MAPKAPK2: variants seen among roughly 807,000 people sequenced by gnomAD.
The protein encoded by MAPKAPK2 is MAP kinase-activated protein kinase 2.
In MAPKAPK2, 9 loss-of-function variants were observed where a neutral mutation model predicts 48.8. That is an observed-to-expected ratio of 0.18 (90% CI 0.11 to 0.32). The LOEUF (loss-of-function observed/expected upper bound fraction) is 0.32. Ranked by LOEUF, MAPKAPK2 falls within the 10% of genes least tolerant of loss-of-function variation. The probability of loss-of-function intolerance (pLI) is 1.00; values close to 1 mark genes in which losing one functional copy is unlikely to be tolerated. For synonymous variants in MAPKAPK2, 202 were observed against 190.6 expected, an observed-to-expected ratio of 1.06 and a Z score of -0.49; for missense variants, 331 against 498.3, an observed-to-expected ratio of 0.66 and a Z score of 3.20.
intron 1 of MAPKAPK2, among the ~76,000 whole-genome samples, chr1:206,699,839 G>A (rs1553427620): frequency 6.6e-6 from 1 of 152,130 alleles, no homozygotes; most frequent in African/African-American, 2.4e-5. Context: ...AGTGCAGATG[G>A]GAAAGTGAAG....
chr1:206,729,945 G>A, intron 4 of MAPKAPK2, 27 bp from the exon 5 acceptor site: 1 of 1,614,056 alleles, frequency 6.2e-7, no homozygotes, highest in African/African-American at 1.3e-5. Context: ...CAGCAGGGTT[G>A]CTATTTTTCT....
intron 1 of MAPKAPK2, among the ~76,000 whole-genome samples, chr1:206,695,226 T>G (rs1485411517): frequency 1.3e-5 from 2 of 151,564 alleles, no homozygotes; most frequent in African/African-American, 4.9e-5. Flanking sequence ...GAATAGAGAG[T>G]AGTAGGGGGT....
chr1:206,729,956 GTC>G lies in MAPKAPK2; in HGVS notation c.565-10_565-9del, dbSNP rs1553432385. ...GGTCCAGCAGGGTTGCTATTTTTCT[GTC>G]TCTCTTTCTGTAGCCTGAGAATCTC... On this transcript the variant is annotated splice_polypyrimidine_tract_variant and intron_variant, in intron 4 of 9. Coordinates refer to ENST00000367103, the MANE Select transcript of MAPKAPK2 (RefSeq NM_032960.4). The G allele has an allele frequency of 3.1e-6, 5 of 1,613,948 alleles. No individual in the cohort carries two copies. The highest frequency in any genetic ancestry group is 1.3e-5 in the African/African-American group (1 of 74,900).
chr1:206,712,962 T>TCTCACACACA (rs1553429738), intron 1 of MAPKAPK2, among the ~76,000 whole-genome samples: 4 of 112,306 alleles, frequency 3.6e-5, no homozygotes, highest in South Asian at 3.3e-4. Flanking sequence ...TGAGACTCCA[T>TCTCACACACA]CACACACACA....
Position 206,704,505 on chromosome 1 carries a change from A to T in MAPKAPK2, c.279+18997A>T, listed in dbSNP as rs1672893074. On this transcript the variant is annotated intron_variant, in intron 1 of 9. Coordinates refer to ENST00000367103, the MANE Select transcript of MAPKAPK2 (RefSeq NM_032960.4). This position sits in a 1 kb window ranked among gnomAD's most constrained non-coding sequence, Gnocchi z 4.3. ...TGAAAGCAGTCACCCAACTTCCTTT[A>T]TAGCCGGATACAAAACAGTGCCTGA... 6.6e-6 allele frequency among the ~76,000 whole-genome samples: 1 copy of T among 152,184 alleles called. No homozygotes were observed. The highest frequency in any genetic ancestry group is 2.1e-4 in the South Asian group (1 of 4,830).
At chr1:206,693,638 G>C (rs1390208511) in intron 1 of MAPKAPK2, among the ~76,000 whole-genome samples, 1 of 152,188 alleles carries the variant, frequency 6.6e-6, no homozygotes, top group South Asian at 2.1e-4. Flanking sequence ...GAGTTACCTG[G>C]TTATGGTAAC....
intron 1 of MAPKAPK2, among the ~76,000 whole-genome samples, chr1:206,715,738 T>G (rs1553430259): frequency 6.6e-5 from 10 of 151,490 alleles, no homozygotes. Context: ...GTGATCTTCC[T>G]GCCTCAGCCT....
At chr1:206,717,485 G>A (rs984237570) in intron 1 of MAPKAPK2, among the ~76,000 whole-genome samples, 1 of 152,332 alleles carries the variant, frequency 6.6e-6, no homozygotes, top group South Asian at 2.1e-4. Flanking sequence ...GCTGTGTGCA[G>A]TGTTCATGTC....
In MAPKAPK2 at chr1:206,708,949, C is replaced by T. The variant is rs549352364; in HGVS notation, c.280-19761C>T. On this transcript the variant is annotated intron_variant, in intron 1 of 9. Coordinates refer to ENST00000367103, the MANE Select transcript of MAPKAPK2 (RefSeq NM_032960.4). ...GTAGTTTGTTATGCTGAGCAGTATT[C>T]CATTGTATAGATATGATAAAATTTG... Among the ~76,000 whole-genome samples, 4 of 152,290 alleles carry T rather than the reference C, an allele frequency of 2.6e-5. No homozygotes were observed. In the South Asian group the frequency reaches 6.2e-4, roughly 24 times the overall value.
intron 1 of MAPKAPK2, among the ~76,000 whole-genome samples, chr1:206,689,538 A>G (rs1227960027): frequency 3.9e-5 from 6 of 152,220 alleles, no homozygotes; most frequent in Non-Finnish European, 7.3e-5. Context: ...TTTATATGCA[A>G]TATGGTTACA....
chr1:206,722,358 TCAAAAACAAAAA>T (rs1192783589), intron 1 of MAPKAPK2, among the ~76,000 whole-genome samples: 1 of 151,758 alleles, frequency 6.6e-6, no homozygotes, highest in Admixed American at 6.6e-5. Flanking sequence ...AGACTCTGTC[TCAAAAACAAAAA>T]CAAAAACAAA....
intron 1 of MAPKAPK2, among the ~76,000 whole-genome samples, chr1:206,722,598 A>C (rs1330633895): frequency 6.6e-6 from 1 of 152,226 alleles, no homozygotes; most frequent in African/African-American, 2.4e-5. Flanking sequence ...GAGGAGGAAG[A>C]GGAAGGGTTG....
intron 1 of MAPKAPK2, among the ~76,000 whole-genome samples, chr1:206,703,726 G>A (rs892292868): frequency 6.6e-6 from 1 of 152,210 alleles, no homozygotes. Context: ...CAGGAGGGGA[G>A]AGCTGACATC....
intron 1 of MAPKAPK2, among the ~76,000 whole-genome samples, chr1:206,718,395 G>C (rs1553430718): frequency 6.6e-6 from 1 of 152,108 alleles, no homozygotes; most frequent in East Asian, 1.9e-4. Flanking sequence ...AGCCAGGCAT[G>C]GTGGTGGGCG....
chr1:206,728,489 G>T (rs1673780981), intron 1 of MAPKAPK2, among the ~76,000 whole-genome samples: 1 of 152,012 alleles, frequency 6.6e-6, no homozygotes, highest in Non-Finnish European at 1.5e-5. Flanking sequence ...GCTGATCTCA[G>T]TGTAGCTGTC....
chr1:206,698,177 T>C (rs1321830277), intron 1 of MAPKAPK2, among the ~76,000 whole-genome samples: 2 of 152,230 alleles, frequency 1.3e-5, no homozygotes, highest in Non-Finnish European at 2.9e-5. Context: ...TATAAATGTT[T>C]ATTGTTCTCC....
intron 1 of MAPKAPK2, among the ~76,000 whole-genome samples, chr1:206,702,117 A>C (rs781803581): frequency 6.6e-6 from 1 of 152,190 alleles, no homozygotes; most frequent in African/African-American, 2.4e-5. Flanking sequence ...AATTCTTCCA[A>C]TGGTAAGGAG....
rs782189785 is a variant in MAPKAPK2, at chr1:206,731,938, T to C, written c.1059+19T>C. 10 of 1,613,804 alleles carry C rather than the reference T, an allele frequency of 6.2e-6. No homozygotes were observed. The Admixed American group carries it at 8.3e-5, about 13-fold the overall frequency. The stretch of plus-strand genomic sequence containing the variant: ...TGTCAAGGTGAGGGGCACCACTGGG[T>C]GAGAGGGGCTCCAGGTGGGGTGGGC... On this transcript the variant is annotated intron_variant, in intron 9 of 9. Coordinates refer to ENST00000367103, the MANE Select transcript of MAPKAPK2 (RefSeq NM_032960.4). This position sits in a 1 kb window ranked among gnomAD's most constrained non-coding sequence, Gnocchi z 5.9.
At chr1:206,727,975 C>T (rs111302421) in intron 1 of MAPKAPK2, among the ~76,000 whole-genome samples, 1 of 152,082 alleles carries the variant, frequency 6.6e-6, no homozygotes, top group Non-Finnish European at 1.5e-5. Flanking sequence ...TGTTCCCAAG[C>T]CAGTCACTAG....
Sources: allele counts gnomAD v4.1 joint callset (sites outside exome capture counted in the v4.1 genomes callset), GRCh38; gene constraint gnomAD v4.1.1; non-coding constraint Gnocchi (gnomAD v3.1); transcripts MANE v1.5; gene names NCBI Gene and HGNC (gene_info 2026-07-23, HGNC 2026-07-21).